KPNA6: variants seen among roughly 807,000 people sequenced by gnomAD.
KPNA6 encodes the protein importin subunit alpha-7.
A neutral mutation model predicts 72.0 loss-of-function variants in KPNA6; 9 were observed. The observed-to-expected ratio is 0.13, with a 90% CI of 0.08 to 0.22. The LOEUF is 0.22. Ranked by LOEUF, KPNA6 falls within the 10% of genes least tolerant of loss-of-function variation. The pLI is 1.00. For missense variants in KPNA6, 374 were observed against 655.7 expected (o/e 0.57, Z 4.69); for synonymous variants, 219 against 242.1 (o/e 0.90, Z 0.89).
intron 1 of KPNA6, among the ~76,000 whole-genome samples, chr1:32,150,127 CTTTTTTT>C (rs35179721): frequency 3.4e-5 from 3 of 87,052 alleles, no homozygotes; most frequent in African/African-American, 9.0e-5. Flanking sequence ...AATTTTTAGT[CTTTTTTT>C]TTTTTTTTTT....
At chr1:32,131,661 CACA>C (rs1490461211) in intron 1 of KPNA6, among the ~76,000 whole-genome samples, 2 of 150,828 alleles carry the variant, frequency 1.3e-5, no homozygotes, top group East Asian at 1.9e-4. Flanking sequence ...TATATACACA[CACA>C]ACAAAGGAGT....
At chr1:32,130,557 G>A (rs1427445487) in intron 1 of KPNA6, among the ~76,000 whole-genome samples, 2 of 151,870 alleles carry the variant, frequency 1.3e-5, no homozygotes, top group Non-Finnish European at 2.9e-5. Context: ...AGGCCGAGAC[G>A]GGCAAATCAC....
intron 1 of KPNA6, among the ~76,000 whole-genome samples, chr1:32,109,125 C>T (rs1033797118): frequency 1.3e-5 from 2 of 152,174 alleles, no homozygotes; most frequent in African/African-American, 4.8e-5. Context: ...CAAGGTCATG[C>T]AGTGGCTAAG....
intron 1 of KPNA6, among the ~76,000 whole-genome samples, chr1:32,119,026 A>ATTTTTTT (rs1221375496): frequency 4.3e-5 from 3 of 69,386 alleles, no homozygotes; most frequent in Admixed American, 1.9e-4. Context: ...ATATATATAT[A>ATTTTTTT]TATATATTTT....
intron 2 of KPNA6, among the ~76,000 whole-genome samples, chr1:32,155,489 C>T (rs1642122374): frequency 6.6e-6 from 1 of 150,838 alleles, no homozygotes; most frequent in South Asian, 2.1e-4. Context: ...GTCCAATTAA[C>T]TTTGTATATT....
At chr1:32,154,343 G>A (rs369712479) in intron 1 of KPNA6, among the ~76,000 whole-genome samples, 8 of 150,028 alleles carry the variant, frequency 5.3e-5, no homozygotes, top group African/African-American at 2.0e-4. Context: ...TGTCTCTAGG[G>A]CCCACACTTT....
At chr1:32,152,322 T>C (rs1373417325) in intron 1 of KPNA6, among the ~76,000 whole-genome samples, 1 of 152,080 alleles carries the variant, frequency 6.6e-6, no homozygotes, top group African/African-American at 2.4e-5. Context: ...AGGGAGGCCC[T>C]ATCTCAAAAA....
intron 1 of KPNA6, among the ~76,000 whole-genome samples, chr1:32,112,442 T>C (rs1295991070): frequency 6.6e-6 from 1 of 152,202 alleles, no homozygotes; most frequent in Non-Finnish European, 1.5e-5. Flanking sequence ...TACTATACTG[T>C]AGTCTCTTAA....
chr1:32,138,623 A>T (rs930193896), intron 1 of KPNA6, among the ~76,000 whole-genome samples: 2 of 151,868 alleles, frequency 1.3e-5, no homozygotes, highest in African/African-American at 4.8e-5. Flanking sequence ...TCCTGCTGAG[A>T]AGAGGACCAA....
At chr1:32,124,350 G>A (rs1641493778) in intron 1 of KPNA6, among the ~76,000 whole-genome samples, 1 of 151,884 alleles carries the variant, frequency 6.6e-6, no homozygotes, top group Non-Finnish European at 1.5e-5. Flanking sequence ...TCCAGCCTGG[G>A]CAACAGAGTG....
At chr1:32,144,942 G>A (rs1641904239) in intron 1 of KPNA6, among the ~76,000 whole-genome samples, 1 of 151,194 alleles carries the variant, frequency 6.6e-6, no homozygotes, top group African/African-American at 2.4e-5. Context: ...CACCGCGCCT[G>A]GCCTAAAACT....
intron 7 of KPNA6, among the ~76,000 whole-genome samples, chr1:32,161,728 A>G (rs1048145976): frequency 6.6e-6 from 1 of 152,140 alleles, no homozygotes; most frequent in Non-Finnish European, 1.5e-5. Context: ...CGTCCCTATT[A>G]TCTATGGTAT....
intron 1 of KPNA6, among the ~76,000 whole-genome samples, chr1:32,138,466 C>T (rs1419250077): frequency 6.7e-6 from 1 of 149,938 alleles, no homozygotes; most frequent in African/African-American, 2.5e-5. Flanking sequence ...TCACTTGAAC[C>T]TGGGAGACGG....
chr1:32,170,956 CTGG>C lies in KPNA6; in HGVS notation c.*66_*68del, dbSNP rs1642425066. ...CACCAGCCAGCGGAAGAGCAGCCCT[CTGG>C]TGGGCGGGAAACCAGTGTCCCCACC... is the stretch of plus-strand genomic sequence containing the variant. On this transcript the variant is annotated 3_prime_UTR_variant, in exon 14 of 14. Transcript: ENST00000373625. 1 of 1,495,382 alleles carries C rather than the reference CTGG, an allele frequency of 6.7e-7. No individual in the cohort carries two copies. Among genetic ancestry groups the C allele is most frequent in the African/African-American group, 1.4e-5 (1 of 72,452 alleles). 92.6% of individuals were successfully genotyped at this position (1,495,382 alleles called of 1,614,324 possible).
At chr1:32,151,084 A>G (rs1048331589) in intron 1 of KPNA6, among the ~76,000 whole-genome samples, 3 of 152,068 alleles carry the variant, frequency 2.0e-5, no homozygotes, top group Admixed American at 6.6e-5. Flanking sequence ...ATGAGCCACC[A>G]TGCCTGGCTC....
intron 1 of KPNA6, among the ~76,000 whole-genome samples, chr1:32,128,387 T>TTTTA (rs368301655): frequency 6.9e-5 from 5 of 72,170 alleles, no homozygotes; most frequent in Admixed American, 1.8e-4. Flanking sequence ...ATATATGTAT[T>TTTTA]TATATATATA....
chr1:32,120,011 C>T (rs1191410611), intron 1 of KPNA6, among the ~76,000 whole-genome samples: 2 of 151,664 alleles, frequency 1.3e-5, no homozygotes, highest in Non-Finnish European at 2.9e-5. Context: ...GCTGGGATTA[C>T]AGGTGTGAGC....
intron 1 of KPNA6, among the ~76,000 whole-genome samples, chr1:32,124,054 A>AG (rs1420258658): frequency 6.0e-5 from 9 of 150,648 alleles, no homozygotes; most frequent in Non-Finnish European, 7.4e-5. Flanking sequence ...AAAAAAAAAA[A>AG]AGGAATGACT....
chr1:32,125,427 C>T (rs1292455103), intron 1 of KPNA6, among the ~76,000 whole-genome samples: 1 of 152,186 alleles, frequency 6.6e-6, no homozygotes, highest in Non-Finnish European at 1.5e-5. Flanking sequence ...ATGAGGCAGC[C>T]AACAGGCCTG....
Sources: allele counts gnomAD v4.1 joint callset (sites outside exome capture counted in the v4.1 genomes callset), GRCh38; gene constraint gnomAD v4.1.1; transcripts MANE v1.5; gene names NCBI Gene and HGNC (gene_info 2026-07-23, HGNC 2026-07-21).